CPNE3: variants seen among roughly 807,000 people sequenced by gnomAD.
CPNE3 encodes copine-3.
A neutral mutation model predicts 63.9 loss-of-function variants in CPNE3; 68 were observed. The ratio of observed to expected loss-of-function variants is 1.06; its 90% CI spans 0.87 to 1.30. The LOEUF (loss-of-function observed/expected upper bound fraction) is 1.30. Among genes scored for constraint, CPNE3 ranks in the 50% most tolerant of loss-of-function variants. The pLI is 0.00. For synonymous variants in CPNE3, 219 were observed against 197.5 expected (o/e 1.11, Z -0.91); for missense variants, 665 against 578.1 (o/e 1.15, Z -1.54).
chr8:86,550,312 A>AG (rs1343730773), intron 12 of CPNE3, among the ~76,000 whole-genome samples: 2 of 152,172 alleles, frequency 1.3e-5, no homozygotes, highest in African/African-American at 2.4e-5. Flanking sequence ...ACAGTGGTGC[A>AG]GTCACAGTTC....
At position 86,544,836 on chromosome 8, in the gene CPNE3, C is replaced by A; in HGVS notation, c.730C>A (p.Pro244Thr). The change falls in exon 9 of 17, where the codon CCT becomes ACT. Residue 244 changes from proline to threonine, a missense_variant and splice_region_variant. Transcript: ENST00000517490. ...TKLKEASRSS[P>T]VEFECINEKK... Reference sequence around the variant, plus strand: ...ACTGAAAGAAGCCTCCAGAAGCTCACCTGTAAGTTACATCCTTGCATTTGC... The same window carrying A: ...ACTGAAAGAAGCCTCCAGAAGCTCAACTGTAAGTTACATCCTTGCATTTGC... 1 of 1,568,340 alleles carries A rather than the reference C, an allele frequency of 6.4e-7. No homozygotes were observed.
Position 86,556,237 on chromosome 8 carries a change from A to T in CPNE3, c.1390A>T (p.Met464Leu), listed in dbSNP as rs746535912. 1.1e-6 allele frequency: 1 copy of T among 873,050 alleles called. No individual in the cohort carries two copies. The highest frequency in any genetic ancestry group is 1.3e-5 in the South Asian group (1 of 76,548). 54.1% of individuals were successfully genotyped at this position (873,050 alleles called of 1,614,324 possible). A position where few individuals can be genotyped will look rare whatever the true frequency, so the allele number is the denominator to read the frequency against. Residue 464 changes from methionine to leucine, a missense_variant, in exon 16 of 17, where the codon ATG (methionine) becomes TTG (leucine). Physicochemically the swap from Met to Leu is conservative, Grantham distance 15. Coordinates refer to ENST00000517490, the MANE Select transcript of CPNE3 (RefSeq NM_003909.5). ...VGVGGADFSA[M>L]EFLDGDGGSL... The stretch of plus-strand genomic sequence containing the variant: ...AGTTGGAGGTGCTGACTTCAGCGCC[A>T]TGGAGTTTCTGGATGGTGATGGTGG...
In CPNE3 at chr8:86,560,726, T is replaced by C. The variant is rs1369226689; in HGVS notation, c.*2316T>C. On this transcript the variant is annotated 3_prime_UTR_variant, in exon 17 of 17. Transcript: ENST00000517490. ...GTTTTGAATAAAAGCATTTACAATT[T>C]CTAAATTATCAGTTTTCACAGTTTC... The C allele has an allele frequency of 1.3e-5, 2 of 152,200 alleles. No individual in the cohort carries two copies. The highest frequency in any genetic ancestry group is 1.5e-5 in the Non-Finnish European group (1 of 68,022). 9.4% of individuals were successfully genotyped at this position (152,200 alleles called of 1,614,324 possible).
In CPNE3 at chr8:86,546,679, G is replaced by C. The variant is rs569117484; in HGVS notation, c.817G>C (p.Glu273Gln). 1 of 1,602,196 alleles carries C rather than the reference G, an allele frequency of 6.2e-7. No homozygotes were observed. The highest frequency in any genetic ancestry group is 1.4e-5 in the African/African-American group (1 of 74,050). Residue 273 changes from glutamate (E) to glutamine (Q), a missense_variant and splice_region_variant, in exon 10 of 17, where the codon GAG becomes CAG. By Grantham distance (29) the Glu-to-Gln change is conservative (BLOSUM62 2). Transcript: ENST00000517490. ...NSGVISVKQC[E>Q]ITVECTFLDY... Reference sequence around the variant, plus strand: ...AGGTGTTATCAGTGTGAAACAGTGTGAGGTCCGTTGGCCTTGGCTACTTAT... The same window carrying C: ...AGGTGTTATCAGTGTGAAACAGTGTCAGGTCCGTTGGCCTTGGCTACTTAT...
intron 10 of CPNE3, chr8:86,547,386 G>T (rs1312483057): frequency 5.0e-6 from 1 of 199,956 alleles, no homozygotes; most frequent in African/African-American, 2.4e-5. Context: ...TGGAGTTTTT[G>T]TTTTTTAAAA....
At chr8:86,557,414 C>G (rs6981166) in intron 16 of CPNE3, among the ~76,000 whole-genome samples, 127,166 of 152,226 alleles carry the variant, frequency 0.84, 53,873 homozygotes, top group African/African-American at 0.92. Context: ...GGGATTACAG[C>G]CGTGTGCCAC....
At chr8:86,533,970 C>A (rs540713973) in intron 6 of CPNE3, among the ~76,000 whole-genome samples, 12 of 152,062 alleles carry the variant, frequency 7.9e-5, no homozygotes, top group African/African-American at 2.9e-4. Flanking sequence ...CACAAGTTTC[C>A]ACGTTCAAGT....
chr8:86,521,668 C>T (rs1042845947), intron 2 of CPNE3: 5 of 152,080 alleles, frequency 3.3e-5, no homozygotes, highest in Non-Finnish European at 5.9e-5. Context: ...GGGAAAATAC[C>T]TGGGTTTATG....
At chr8:86,535,775 A>G (rs1272059011) in intron 6 of CPNE3, among the ~76,000 whole-genome samples, 1 of 152,174 alleles carries the variant, frequency 6.6e-6, no homozygotes, top group African/African-American at 2.4e-5. Context: ...TGTCTCACAC[A>G]ACGTTAATAG....
In CPNE3 at chr8:86,551,205, A is replaced by G; in HGVS notation, c.1091A>G (p.Asn364Ser). 6.2e-7 allele frequency: 1 copy of G among 1,611,128 alleles called. No individual in the cohort carries two copies. Among genetic ancestry groups the G allele is most frequent in the South Asian group, 1.1e-5 (1 of 91,004 alleles). ...CAGGTATCACATGAATTTCCAATGAACTTCAACCCATCCAATCCCTACTGC... is the reference window on the plus strand; with the variant it reads ...CAGGTATCACATGAATTTCCAATGAGCTTCAACCCATCCAATCCCTACTGC... ...QWQVSHEFPM[N>S]FNPSNPYCNG... The change falls in exon 14 of 17, where the codon AAC becomes AGC. Residue 364 changes from asparagine to serine, a missense_variant. Coordinates refer to ENST00000517490, the MANE Select transcript of CPNE3 (RefSeq NM_003909.5).
rs1441714145 is a variant in CPNE3 at position 86,559,739 on chromosome 8, G to T, written c.*1329G>T. 1 of 151,826 alleles carries T rather than the reference G, an allele frequency of 6.6e-6. No individual in the cohort carries two copies. The highest frequency in any genetic ancestry group is 1.5e-5 in the Non-Finnish European group (1 of 67,990). 9.4% of individuals were successfully genotyped at this position (151,826 alleles called of 1,614,324 possible). ...TCAGAATAGATCCTAATATTTTATT[G>T]AGGGCCTATGTGCTAAAAACTATGC... On this transcript the variant is annotated 3_prime_UTR_variant, in exon 17 of 17. Transcript: ENST00000517490.
In CPNE3 at chr8:86,537,626, C is replaced by T. The variant is rs1266930321; in HGVS notation, c.523C>T (p.Leu175=). 1 of 1,604,154 alleles carries T rather than the reference C, an allele frequency of 6.2e-7. No homozygotes were observed. Among genetic ancestry groups the T allele is most frequent in the Admixed American group, 1.7e-5 (1 of 59,984 alleles). The stretch of plus-strand genomic sequence containing the variant: ...CAAGCAGACATCTGATGGAAACTGG[C>T]TAATGGTTCATCGGACAGAGGTGAA... The part of the protein sequence containing the change: ...FHKQTSDGNW[L]MVHRTEVVKN... The change falls in exon 7 of 17, where the codon CTA becomes TTA. Residue 175 remains leucine (L), a synonymous_variant. Transcript: ENST00000517490.
Position 86,528,994 on chromosome 8 carries a change from A to G in CPNE3, c.182A>G (p.Lys61Arg), listed in dbSNP as rs1461668798. 18 of 1,613,678 alleles carry G rather than the reference A, an allele frequency of 1.1e-5. No individual in the cohort carries two copies. The highest frequency in any genetic ancestry group is 1.5e-5 in the Non-Finnish European group (18 of 1,179,868). ...AATTGCTTGAATCCCCAATTTTCCA[A>G]GACATTTATTATTGATTACTACTTT... ...IKNCLNPQFS[K>R]TFIIDYYFEV... Residue 61 changes from lysine (K) to arginine (R), a missense_variant, in exon 4 of 17, where the codon AAG becomes AGG. By Grantham distance (26) the Lys-to-Arg change is conservative (BLOSUM62 2). Coordinates refer to ENST00000517490, the MANE Select transcript of CPNE3 (RefSeq NM_003909.5).
chr8:86,533,878 CTCCCTCCCT>C (rs145647485), intron 6 of CPNE3, among the ~76,000 whole-genome samples: 11,410 of 151,752 alleles, frequency 0.075, 616 homozygotes, highest in Admixed American at 0.19. Context: ...TCTTCTTTTC[CTCCCTCCCT>C]TCCTTCCTTT....
intron 8 of CPNE3, 41 bp downstream of exon 8, chr8:86,540,375 C>A: frequency 1.1e-6 from 1 of 907,764 alleles, no homozygotes; most frequent in Non-Finnish European, 1.6e-6. Flanking sequence ...TTAAATATAC[C>A]CATGTTCACC....
rs1456895473 is a variant in CPNE3 at position 86,539,613 on chromosome 8, C to T, written c.544-632C>T. Among the ~76,000 whole-genome samples, 4 of 151,292 alleles carry T rather than the reference C, an allele frequency of 2.6e-5. No homozygotes were observed. The East Asian group carries it at 7.7e-4, about 29-fold the overall frequency. On this transcript the variant is annotated intron_variant, in intron 7 of 16. Coordinates refer to ENST00000517490, the MANE Select transcript of CPNE3 (RefSeq NM_003909.5). ...TTATTTCATATTTGAATCTTCTGTGCCCTGCAATGAAACCCTCATTGCTAT... is the reference window on the plus strand; with the variant it reads ...TTATTTCATATTTGAATCTTCTGTGTCCTGCAATGAAACCCTCATTGCTAT...
intron 16 of CPNE3, among the ~76,000 whole-genome samples, chr8:86,557,785 G>C (rs1185102129): frequency 6.6e-6 from 1 of 152,034 alleles, no homozygotes; most frequent in Non-Finnish European, 1.5e-5. Context: ...AATGAGTAAT[G>C]TAAAACTAGA....
At chr8:86,539,368 A>G (rs1184202456) in intron 7 of CPNE3, among the ~76,000 whole-genome samples, 1 of 152,198 alleles carries the variant, frequency 6.6e-6, no homozygotes, top group South Asian at 2.1e-4. Flanking sequence ...GCAAGAGGGT[A>G]GTAGTATTTA....
rs1401131535 is a variant in CPNE3, at chr8:86,560,828, CATTT to C, written c.*2420_*2423del. 6.6e-6 allele frequency: 1 copy of C among 152,190 alleles called. No individual in the cohort carries two copies. Among genetic ancestry groups the C allele is most frequent in the East Asian group, 1.9e-4 (1 of 5,198 alleles). The allele number at this position is 152,190 out of a possible 1,614,324, so 9.4% of individuals were successfully genotyped here. A position where few individuals can be genotyped will look rare whatever the true frequency, so the allele number is the denominator to read the frequency against. On this transcript the variant is annotated 3_prime_UTR_variant, in exon 17 of 17. Coordinates refer to ENST00000517490, the MANE Select transcript of CPNE3 (RefSeq NM_003909.5). ...TCCTTTTCCCTGTTGTGCCACCATT[CATTT>C]AAGTGCTGTTTGTTCTTAAAATGCA...
Sources: gnomAD v4.1 joint callset for allele counts (sites outside exome capture counted in the v4.1 genomes callset) on GRCh38, gnomAD v4.1.1 for gene constraint, MANE v1.5 for transcripts, NCBI Gene and HGNC (gene_info 2026-07-23, HGNC 2026-07-21) for gene names.